Variants in PCDH11X observed in about 807,000 individuals in gnomAD.
The protein encoded by PCDH11X is protocadherin 11 X-linked, also known as protocadherin-11 X-linked.
Under a neutral mutation model 53.3 loss-of-function variants are expected in PCDH11X, and 18 were observed. The ratio of observed to expected loss-of-function variants is 0.34; its 90% CI spans 0.23 to 0.50. PCDH11X has a LOEUF of 0.50. Ranked by LOEUF, PCDH11X falls within the 20% of genes least tolerant of loss-of-function variation. PCDH11X has a pLI of 0.98. For synonymous variants in PCDH11X, 279 were observed against 393.3 expected (o/e 0.71, Z 3.44); for missense variants, 570 against 1,032.4 (o/e 0.55, Z 6.14).
chrX:92,563,838 C>T (rs1450422546), intron 10 of PCDH11X, among the ~76,000 whole-genome samples: 1 of 110,635 alleles, frequency 9.0e-6, no homozygotes, highest in African/African-American at 3.3e-5. Flanking sequence ...GTAAACTGCT[C>T]TTAAGTAGAA....
In PCDH11X at chrX:92,566,472, A is replaced by T. The variant is rs1390536891; in HGVS notation, c.3368-51792A>T. ...AATAAATGTTTAGTTATTTAAGCAA[A>T]CATGTACATACACATCTGTCTAAGC... On this transcript the variant is annotated intron_variant, in intron 10 of 10. Transcript: ENST00000682573. Among the ~76,000 whole-genome samples the T allele has an allele frequency of 2.7e-5, 3 of 110,572 alleles. No homozygotes were observed. The Admixed American group carries it at 2.9e-4, about 11-fold the overall frequency.
chrX:91,903,656 C>CGCGCGT (rs1556329941), intron 6 of PCDH11X, among the ~76,000 whole-genome samples: 55 of 93,952 alleles, frequency 5.9e-4, no homozygotes, highest in African/African-American at 2.1e-3. Flanking sequence ...CCTCTATGTG[C>CGCGCGT]GTGTGTGTGT....
rs377503795 is a variant in PCDH11X at position 91,950,544 on chromosome X, GTA to G, written c.3033+71286_3033+71287del. On this transcript the variant is annotated intron_variant, in intron 6 of 10. Coordinates refer to ENST00000682573, the MANE Select transcript of PCDH11X (RefSeq NM_032968.5). ...TGTATACCACATATATATCAATGTG[GTA>G]TATATATATATATAAATGTGATTGA... Among the ~76,000 whole-genome samples, 384 of 91,248 alleles carry G rather than the reference GTA, an allele frequency of 4.2e-3. 4 individuals are homozygous for G. The highest frequency in any genetic ancestry group is 0.013 in the African/African-American group (319 of 23,727). 79.2% of individuals were successfully genotyped at this position (91,248 alleles called of 115,157 possible).
chrX:92,217,202 A>C (rs1429873959), intron 7 of PCDH11X, among the ~76,000 whole-genome samples: 1 of 110,969 alleles, frequency 9.0e-6, no homozygotes, highest in Non-Finnish European at 1.9e-5. Flanking sequence ...ACACATAACA[A>C]TATTAACTTT....
In PCDH11X at chrX:91,835,805, C is replaced by G. The variant is rs1296070582; in HGVS notation, c.301C>G (p.Pro101Ala). The change falls in exon 5 of 11, where the codon CCA becomes GCA. Residue 101 changes from proline (P) to alanine (A), a missense_variant. Physicochemically the swap from Pro to Ala is conservative, Grantham distance 27 (BLOSUM62 -1). Coordinates refer to ENST00000682573, the MANE Select transcript of PCDH11X (RefSeq NM_032968.5). ...IDREKLCAGIPRDEHCFYEVE... is the reference protein window; with the variant it reads ...IDREKLCAGIARDEHCFYEVE... Reference sequence around the variant, plus strand: ...TCGTGAGAAATTATGTGCTGGTATCCCAAGGGATGAGCATTGCTTTTATGA... The same window carrying G: ...TCGTGAGAAATTATGTGCTGGTATCGCAAGGGATGAGCATTGCTTTTATGA... 2 of 1,210,632 alleles carry G rather than the reference C, an allele frequency of 1.7e-6. No individual in the cohort carries two copies. The highest frequency in any genetic ancestry group is 3.5e-5 in the South Asian group (2 of 56,916).
At chrX:92,266,391 T>G (rs996363270) in intron 8 of PCDH11X, among the ~76,000 whole-genome samples, 4 of 112,044 alleles carry the variant, frequency 3.6e-5, no homozygotes, top group African/African-American at 1.3e-4. Flanking sequence ...AGATGAATTC[T>G]TTATCTTTTA....
intron 9 of PCDH11X, among the ~76,000 whole-genome samples, chrX:92,391,735 C>T (rs2071133188): frequency 1.8e-5 from 2 of 110,910 alleles, no homozygotes; most frequent in South Asian, 7.5e-4. Flanking sequence ...TGCATTGCTG[C>T]TATTTCACTA....
chrX:92,000,841 G>C (rs1209995514), intron 6 of PCDH11X, among the ~76,000 whole-genome samples: 1 of 87,715 alleles, frequency 1.1e-5, no homozygotes, highest in Non-Finnish European at 2.2e-5. Flanking sequence ...TTGTCTTTCT[G>C]TGTTTGGTTT....
chrX:92,409,031 C>A (rs2754959), intron 9 of PCDH11X, among the ~76,000 whole-genome samples: 17,957 of 98,300 alleles, frequency 0.18, 2,914 homozygotes, highest in African/African-American at 0.43. Context: ...TATTAGATTA[C>A]TGTGTGCTGT....
At chrX:92,359,991 A>T (rs966536794) in intron 8 of PCDH11X, among the ~76,000 whole-genome samples, 2 of 110,912 alleles carry the variant, frequency 1.8e-5, no homozygotes, top group African/African-American at 6.5e-5. Flanking sequence ...GCATAAATTA[A>T]TCTCTCCATC....
At chrX:92,449,618 G>A (rs992474715) in intron 9 of PCDH11X, among the ~76,000 whole-genome samples, 1 of 111,772 alleles carries the variant, frequency 8.9e-6, no homozygotes, top group African/African-American at 3.3e-5. Context: ...GATAGAGCAT[G>A]GGTTAAAACA....
At chrX:92,447,677 G>A (rs1165087347) in intron 9 of PCDH11X, among the ~76,000 whole-genome samples, 1 of 112,665 alleles carries the variant, frequency 8.9e-6, no homozygotes, top group Non-Finnish European at 1.9e-5. Context: ...TGTGAGGTCG[G>A]AGCCTGCACA....
chrX:92,519,916 G>C (rs2074338418), intron 10 of PCDH11X, among the ~76,000 whole-genome samples: 1 of 110,234 alleles, frequency 9.1e-6, no homozygotes, highest in African/African-American at 3.3e-5. Context: ...TAATATAATG[G>C]TTGAAAAATA....
Position 91,874,764 on chromosome X carries a change from AAGAC to A in PCDH11X, c.541-2014_541-2011del, listed in dbSNP as rs1939504710. Among the ~76,000 whole-genome samples the A allele has an allele frequency of 3.3e-5, 3 of 89,881 alleles. No homozygotes were observed. In the South Asian group the frequency reaches 1.9e-3, roughly 56 times the overall value. The allele number at this position is 89,881 out of a possible 115,157, so 78.1% of individuals were successfully genotyped here. A position where few individuals can be genotyped will look rare whatever the true frequency, so the allele number is the denominator to read the frequency against. On this transcript the variant is annotated intron_variant, in intron 5 of 10. Transcript: ENST00000682573. ...TTTAAGACTATATATAGGCAATTAT[AAGAC>A]AGGTAAATTTTTTAAAGATAATGTG...
intron 8 of PCDH11X, among the ~76,000 whole-genome samples, chrX:92,349,852 G>A (rs2069998575): frequency 9.2e-6 from 1 of 108,583 alleles, no homozygotes; most frequent in African/African-American, 3.4e-5. Context: ...AGTGTTCTGA[G>A]GACGGTAAGG....
chrX:91,825,374 G>T (rs562657306), intron 4 of PCDH11X, among the ~76,000 whole-genome samples: 1 of 111,702 alleles, frequency 9.0e-6, no homozygotes, highest in East Asian at 2.8e-4. Context: ...ATATAATCTC[G>T]TGGTGCGCCG....
intron 6 of PCDH11X, among the ~76,000 whole-genome samples, chrX:92,097,428 T>A (rs1222464711): frequency 2.8e-5 from 3 of 106,405 alleles, no homozygotes; most frequent in African/African-American, 6.8e-5. Context: ...AAAAAAAAAA[T>A]TGAAAAAGTT....
intron 4 of PCDH11X, among the ~76,000 whole-genome samples, chrX:91,820,690 G>C (rs60725405): frequency 0.018 from 1,707 of 95,433 alleles, 104 homozygotes; most frequent in African/African-American, 0.096. Flanking sequence ...GATCCCATTT[G>C]TCAATTTTGT....
chrX:92,360,399 A>G (rs2070317010), intron 8 of PCDH11X, among the ~76,000 whole-genome samples: 1 of 111,462 alleles, frequency 9.0e-6, no homozygotes, highest in Non-Finnish European at 1.9e-5. Context: ...CGCGCAAAAT[A>G]TTTTGAATTT....
Sources: allele counts gnomAD v4.1 joint callset (sites outside exome capture counted in the v4.1 genomes callset), GRCh38; gene constraint gnomAD v4.1.1; transcripts MANE v1.5; gene names NCBI Gene and HGNC (gene_info 2026-07-23, HGNC 2026-07-21).